The following USO1 variants were observed in gnomAD, a reference collection of about 807,000 sequenced individuals.
The protein encoded by USO1 is USO1 vesicle transport factor, also known as general vesicular transport factor p115.
In USO1, 57 loss-of-function variants were observed where a neutral mutation model predicts 124.5. That is an observed-to-expected ratio of 0.46 (90% CI 0.37 to 0.57). The LOEUF is 0.57. Among genes scored for constraint, USO1 ranks in the 20% least tolerant of loss-of-function variants. The probability of loss-of-function intolerance (pLI) is 0.00; values close to 1 mark genes in which losing one functional copy is unlikely to be tolerated. For missense variants in USO1, 900 were observed against 1,040.6 expected, an observed-to-expected ratio of 0.86 and a Z score of 1.86; for synonymous variants, 369 against 362.8, an observed-to-expected ratio of 1.02 and a Z score of -0.19.
At chr4:75,759,246 C>CTTTTTTTTT (rs71208100) in intron 4 of USO1, among the ~76,000 whole-genome samples, 30,229 of 67,674 alleles carry the variant, frequency 0.45, 9,912 homozygotes, top group East Asian at 0.54. Flanking sequence ...TATTAAGGAC[C>CTTTTTTTTT]TTTTTTTTTT....
At chr4:75,732,286 C>G (rs540408454) in intron 1 of USO1, among the ~76,000 whole-genome samples, 7 of 152,220 alleles carry the variant, frequency 4.6e-5, no homozygotes, top group Admixed American at 2.6e-4. Context: ...TATATTAATT[C>G]GCTTAGGATA....
intron 17 of USO1, among the ~76,000 whole-genome samples, chr4:75,802,059 T>C (rs1237261462): frequency 6.6e-6 from 1 of 151,550 alleles, no homozygotes; most frequent in Non-Finnish European, 1.5e-5. Flanking sequence ...GGTGATCCCT[T>C]CCCTTCCCTG....
intron 1 of USO1, among the ~76,000 whole-genome samples, chr4:75,748,872 CAAT>C (rs1484717744): frequency 6.6e-6 from 1 of 151,882 alleles, no homozygotes; most frequent in Non-Finnish European, 1.5e-5. Context: ...TATTTTGACT[CAAT>C]AAATTCTTTA....
intron 9 of USO1, among the ~76,000 whole-genome samples, chr4:75,783,824 A>G (rs1266446108): frequency 6.6e-6 from 1 of 152,202 alleles, no homozygotes; most frequent in East Asian, 1.9e-4. Flanking sequence ...CAGTTACCCT[A>G]GTTAGAATAT....
At chr4:75,725,462 T>C (rs1417397155) in intron 1 of USO1, among the ~76,000 whole-genome samples, 1 of 152,148 alleles carries the variant, frequency 6.6e-6, no homozygotes, top group Non-Finnish European at 1.5e-5. Flanking sequence ...CCTGGTGTTA[T>C]TTGTTCAGAT....
At chr4:75,780,297 C>T (rs892341255) in intron 8 of USO1, among the ~76,000 whole-genome samples, 8 of 152,116 alleles carry the variant, frequency 5.3e-5, no homozygotes, top group Admixed American at 3.3e-4. Context: ...GATGGAGTCT[C>T]GCACTGTCAC....
intron 4 of USO1, among the ~76,000 whole-genome samples, chr4:75,762,966 T>C (rs1721662145): frequency 6.6e-6 from 1 of 152,196 alleles, no homozygotes; most frequent in Admixed American, 6.5e-5. Context: ...TGTACCTGTT[T>C]AATTAACTAC....
chr4:75,743,450 G>T (rs1456023305), intron 1 of USO1, among the ~76,000 whole-genome samples: 1 of 152,004 alleles, frequency 6.6e-6, no homozygotes, highest in East Asian at 1.9e-4. Flanking sequence ...CCTCTGCCTG[G>T]CTGTGCTGTC....
At chr4:75,777,311 A>G (rs544280214) in intron 8 of USO1, among the ~76,000 whole-genome samples, 52 of 152,282 alleles carry the variant, frequency 3.4e-4, no homozygotes, top group Admixed American at 1.4e-3. Context: ...GCAATACCAA[A>G]AGTGTGATCC....
At chr4:75,765,185 T>A (rs1577946492) in intron 4 of USO1, among the ~76,000 whole-genome samples, 1 of 152,166 alleles carries the variant, frequency 6.6e-6, no homozygotes, top group Non-Finnish European at 1.5e-5. Flanking sequence ...TGATTTTAAT[T>A]TCTTGAGGGA....
Position 75,807,425 on chromosome 4 carries a change from G to A in USO1, c.2376+853G>A, listed in dbSNP as rs550731843. On this transcript the variant is annotated intron_variant, in intron 20 of 23. Transcript: ENST00000514213. ...AAAATGACCATCCTCACTAACCTAGGACTAACTGTCTTCCTTCTCTCTCCA... is the reference window on the plus strand; with the variant it reads ...AAAATGACCATCCTCACTAACCTAGAACTAACTGTCTTCCTTCTCTCTCCA... Among the ~76,000 whole-genome samples, 4 of 150,488 alleles carry A rather than the reference G, an allele frequency of 2.7e-5. No homozygotes were observed. The South Asian group carries it at 6.3e-4, about 24-fold the overall frequency.
Position 75,813,787 on chromosome 4 carries a change from C to G in USO1, c.*492C>G, listed in dbSNP as rs1439049822. On this transcript the variant is annotated 3_prime_UTR_variant, in exon 24 of 24. Transcript: ENST00000514213. ...TTGGGAGTTAGTGCATATCATCAGC[C>G]CTCCATCTAATGTGATTGCTAAGAT... 1 of 152,362 alleles carries G rather than the reference C, an allele frequency of 6.6e-6. No homozygotes were observed. Among genetic ancestry groups the G allele is most frequent in the Non-Finnish European group, 1.5e-5 (1 of 68,272 alleles). 9.4% of individuals were successfully genotyped at this position (152,362 alleles called of 1,614,324 possible). A position where few individuals can be genotyped will look rare whatever the true frequency, so the allele number is the denominator to read the frequency against.
intron 7 of USO1, among the ~76,000 whole-genome samples, chr4:75,772,530 C>G (rs1308480346): frequency 6.6e-6 from 1 of 152,072 alleles, no homozygotes. Context: ...AGCCACCGCG[C>G]CCGGCCGAGA....
rs1490947628 is a variant in USO1 at position 75,750,822 on chromosome 4, C to T, written c.67-1551C>T. Among the ~76,000 whole-genome samples the T allele has an allele frequency of 4.6e-5, 7 of 152,256 alleles. No homozygotes were observed. The South Asian group carries it at 1.0e-3, about 23-fold the overall frequency. ...ATGAATGTGGCATCTGAGAAGTCTT[C>T]GCCTAAACAGAGGTCACGAGGATTT... On this transcript the variant is annotated intron_variant, in intron 1 of 23. Coordinates refer to ENST00000514213, the MANE Select transcript of USO1 (RefSeq NM_003715.4).
At chr4:75,809,945 G>A (rs1167588563) in intron 21 of USO1, among the ~76,000 whole-genome samples, 1 of 152,068 alleles carries the variant, frequency 6.6e-6, no homozygotes, top group Non-Finnish European at 1.5e-5. Context: ...CGACTTCCTA[G>A]TATTTTAGAA....
At chr4:75,744,032 T>TCC (rs980333286) in intron 1 of USO1, among the ~76,000 whole-genome samples, 4 of 152,198 alleles carry the variant, frequency 2.6e-5, no homozygotes, top group African/African-American at 9.7e-5. Flanking sequence ...CGCCATGGCC[T>TCC]CCCAAAGTGC....
intron 1 of USO1, among the ~76,000 whole-genome samples, chr4:75,737,832 A>G (rs538554363): frequency 2.4e-4 from 36 of 151,684 alleles, no homozygotes; most frequent in African/African-American, 7.7e-4. Context: ...TATTATTATT[A>G]TTATTGTTAT....
chr4:75,739,642 G>A (rs1296515010), intron 1 of USO1, among the ~76,000 whole-genome samples: 1 of 148,700 alleles, frequency 6.7e-6, no homozygotes, highest in East Asian at 2.0e-4. Flanking sequence ...CGCCTCCCGA[G>A]TTTAAGTGAT....
At position 75,810,492 on chromosome 4, in the gene USO1, G is replaced by A. The variant is rs770152695; in HGVS notation, c.2536G>A (p.Val846Ile). ...ETIIATKTTD[V>I]EGRLSALLQE... ...TATAATAGCCACCAAAACTACTGAT[G>A]TAGAAGGAAGACTGTCAGCATTATT... Residue 846 changes from valine (V) to isoleucine (I), a missense_variant, in exon 22 of 24, where the codon GTA becomes ATA. Coordinates refer to ENST00000514213, the MANE Select transcript of USO1 (RefSeq NM_003715.4). 1.9e-6 allele frequency: 3 copies of A among 1,612,998 alleles called. No individual in the cohort carries two copies. Among genetic ancestry groups the A allele is most frequent in the Non-Finnish European group, 2.5e-6 (3 of 1,179,588 alleles).
Sources: gnomAD v4.1 joint callset for allele counts (sites outside exome capture counted in the v4.1 genomes callset) on GRCh38, gnomAD v4.1.1 for gene constraint, MANE v1.5 for transcripts, NCBI Gene and HGNC (gene_info 2026-07-23, HGNC 2026-07-21) for gene names.